RPGRIP1L: variants seen among roughly 807,000 people sequenced by gnomAD.
RPGRIP1L encodes the protein protein fantom.
In RPGRIP1L, 131 loss-of-function variants were observed where a neutral mutation model predicts 160.4. The observed-to-expected ratio is 0.82, with a 90% CI of 0.71 to 0.94. The LOEUF (loss-of-function observed/expected upper bound fraction) is 0.94, where lower values mean the gene tolerates loss of function less well. Among genes scored for constraint, RPGRIP1L ranks in the 40% least tolerant of loss-of-function variants. RPGRIP1L has a pLI of 0.00. For synonymous variants in RPGRIP1L, 510 were observed against 515.8 expected, an observed-to-expected ratio of 0.99 and a Z score of 0.15; for missense variants, 1,522 against 1,535.8, an observed-to-expected ratio of 0.99 and a Z score of 0.15.
At chr16:53,613,401 C>T (rs1289086708) in intron 24 of RPGRIP1L, among the ~76,000 whole-genome samples, 1 of 151,982 alleles carries the variant, frequency 6.6e-6, no homozygotes, top group Non-Finnish European at 1.5e-5. Flanking sequence ...CCTCGAACTC[C>T]TGGGCTCAAC....
At chr16:53,666,285 G>C (rs1442298959) in intron 9 of RPGRIP1L, among the ~76,000 whole-genome samples, 1 of 151,940 alleles carries the variant, frequency 6.6e-6, no homozygotes, top group Non-Finnish European at 1.5e-5. Flanking sequence ...AATTATGGAA[G>C]CTTCTCTAAA....
chr16:53,625,839 C>T (rs368794521), intron 22 of RPGRIP1L, among the ~76,000 whole-genome samples: 104 of 152,168 alleles, frequency 6.8e-4, no homozygotes, highest in African/African-American at 2.5e-3. Flanking sequence ...TCTATAACCT[C>T]ACCCCCAACC....
chr16:53,625,484 C>G (rs1473953147), intron 22 of RPGRIP1L, among the ~76,000 whole-genome samples: 3 of 107,670 alleles, frequency 2.8e-5, no homozygotes, highest in African/African-American at 4.1e-5. Context: ...CTGGGGGGGG[C>G]GCGCCTCCGC....
At chr16:53,632,307 C>T (rs1015429990) in intron 22 of RPGRIP1L, among the ~76,000 whole-genome samples, 11 of 152,148 alleles carry the variant, frequency 7.2e-5, no homozygotes, top group Admixed American at 2.6e-4. Flanking sequence ...ACTTCTAGTC[C>T]TAATTTTGTG....
intron 22 of RPGRIP1L, among the ~76,000 whole-genome samples, chr16:53,625,373 ACCCCG>A: frequency 7.0e-6 from 1 of 143,626 alleles, no homozygotes; most frequent in Non-Finnish European, 1.5e-5. Context: ...CCCGGCCGCC[ACCCCG>A]TCTGGGAACT....
rs1010477371 is a variant in RPGRIP1L, at chr16:53,703,783, C to T, written c.-8+20G>A. ...AACCTCCACCCACCCTCATCCTCCC[C>T]CATCCTCCCGGGTACTCACCGTGCC... is the stretch of plus-strand genomic sequence containing the variant. On this transcript the variant is annotated intron_variant, in intron 1 of 26. Coordinates refer to ENST00000647211, the MANE Select transcript of RPGRIP1L (RefSeq NM_015272.5). 3.1e-5 allele frequency: 11 copies of T among 349,820 alleles called. No individual in the cohort carries two copies. In the Admixed American group the frequency reaches 4.2e-4, roughly 13 times the overall value. 21.7% of individuals were successfully genotyped at this position (349,820 alleles called of 1,614,324 possible).
Position 53,610,977 on chromosome 16 carries a change from G to T in RPGRIP1L, c.3691C>A (p.Pro1231Thr). Residue 1231 changes from proline (P) to threonine (T), a missense_variant, in exon 25 of 27, where the codon CCT (proline) becomes ACT (threonine). By Grantham distance (38) the Pro-to-Thr change is conservative. Coordinates refer to ENST00000647211, the MANE Select transcript of RPGRIP1L (RefSeq NM_015272.5). ...ACTGCCAAAACATACCTTCTATTAG[G>T]CATCTCTTGTTTTTGTAGTATAGCT... ...LKAILQKQEM[P>T]NRSLRFTVVS... The T allele has an allele frequency of 1.2e-6, 2 of 1,607,120 alleles. No individual in the cohort carries two copies. The highest frequency in any genetic ancestry group is 1.7e-6 in the Non-Finnish European group (2 of 1,173,888).
chr16:53,627,512 T>C lies in RPGRIP1L; in HGVS notation c.3295-5156A>G, dbSNP rs115309373. Among the ~76,000 whole-genome samples the C allele has an allele frequency of 2.9e-3, 447 of 152,284 alleles. 4 individuals are homozygous for C. Among genetic ancestry groups the C allele is most frequent in the African/African-American group, 0.01 (424 of 41,566 alleles). ...TTGTTGTTTTTGAAGAAATAAAATA[T>C]TTCAGATACAGGTAAAACTACCAGC... On this transcript the variant is annotated intron_variant, in intron 22 of 26. Coordinates refer to ENST00000647211, the MANE Select transcript of RPGRIP1L (RefSeq NM_015272.5).
At chr16:53,604,738 G>A (rs919480718) in intron 26 of RPGRIP1L, among the ~76,000 whole-genome samples, 2 of 152,152 alleles carry the variant, frequency 1.3e-5, no homozygotes, top group Non-Finnish European at 2.9e-5. Context: ...TTAAAGAGAA[G>A]CCTTGAGAAA....
chr16:53,698,941 T>G (rs1445803671), intron 2 of RPGRIP1L, among the ~76,000 whole-genome samples: 1 of 152,092 alleles, frequency 6.6e-6, no homozygotes, highest in Non-Finnish European at 1.5e-5. Context: ...TTTTGTGGAA[T>G]AGAAAGCGGG....
At chr16:53,649,857 T>G (rs1966827385) in intron 15 of RPGRIP1L, among the ~76,000 whole-genome samples, 1 of 152,150 alleles carries the variant, frequency 6.6e-6, no homozygotes. Context: ...ATAAGTTTCT[T>G]GAGAGCAAGG....
In RPGRIP1L at chr16:53,652,816, G is replaced by C. The variant is rs757744434; in HGVS notation, c.1871C>G (p.Ser624Cys). Residue 624 changes from serine to cysteine, a missense_variant, in exon 15 of 27, where the codon TCT (serine) becomes TGT (cysteine). Transcript: ENST00000647211. ...GAAAGTGACAGGCTCTTTATCTCCA[G>C]ATGCCTGTAAAACTTCAGAAGAAAA... ...VTFSSEVLQA[S>C]GDKEPVTFCT... The C allele has an allele frequency of 6.2e-7, 1 of 1,613,930 alleles. No individual in the cohort carries two copies. The highest frequency in any genetic ancestry group is 8.5e-7 in the Non-Finnish European group (1 of 1,179,946).
chr16:53,607,161 A>G (rs1963741976), intron 25 of RPGRIP1L, among the ~76,000 whole-genome samples: 1 of 152,158 alleles, frequency 6.6e-6, no homozygotes, highest in South Asian at 2.1e-4. Flanking sequence ...CTCTCATCTC[A>G]GTTTCCTTAC....
In RPGRIP1L at chr16:53,622,270, AG is replaced by A. The variant is rs1341026212; in HGVS notation, c.3380del (p.Pro1127LeufsTer7). 3.0e-6 allele frequency: 2 copies of A among 660,920 alleles called. No homozygotes were observed. Among genetic ancestry groups the A allele is most frequent in the African/African-American group, 3.6e-5 (2 of 55,390 alleles). 40.9% of individuals were successfully genotyped at this position (660,920 alleles called of 1,614,324 possible). ...TCCCATCTACTTGGGAGGCTGAGGC[AG>A]GAAAATCGCTGGAACCCGGGAGGCG... ...NFRLPGSSDF[P>X]ASASQVDGIT... On this transcript the variant is annotated frameshift_variant, in exon 23 of 27. Transcript: ENST00000647211. LOFTEE classifies it high-confidence loss of function.
intron 25 of RPGRIP1L, 116 bp from the exon 26 acceptor site, chr16:53,605,730 C>T (rs1963641046): frequency 9.4e-7 from 1 of 1,063,596 alleles, no homozygotes; most frequent in Non-Finnish European, 1.4e-6. Context: ...TCCAATTATC[C>T]CAATAAAAAG....
intron 6 of RPGRIP1L, among the ~76,000 whole-genome samples, chr16:53,678,865 T>A (rs1464458419): frequency 6.6e-6 from 1 of 152,166 alleles, no homozygotes; most frequent in Non-Finnish European, 1.5e-5. Flanking sequence ...ATTCTGTAGC[T>A]GTATTGTTGA....
At chr16:53,643,007 G>C (rs543339593) in intron 17 of RPGRIP1L, among the ~76,000 whole-genome samples, 58 of 152,262 alleles carry the variant, frequency 3.8e-4, no homozygotes, top group Admixed American at 8.5e-4. Context: ...GATATCAGAA[G>C]TGGGCGTTGG....
At chr16:53,699,812 C>T (rs971071833) in intron 2 of RPGRIP1L, among the ~76,000 whole-genome samples, 5 of 110,694 alleles carry the variant, frequency 4.5e-5, no homozygotes, top group African/African-American at 1.8e-4. Context: ...AGCGAGACTT[C>T]GTCTCAAAAA....
rs1963284382 is a variant in RPGRIP1L at position 53,599,260 on chromosome 16, A to G, written c.*2816T>C. 6.6e-6 allele frequency: 1 copy of G among 152,198 alleles called. No individual in the cohort carries two copies. The highest frequency in any genetic ancestry group is 2.4e-5 in the African/African-American group (1 of 41,438). 9.4% of individuals were successfully genotyped at this position (152,198 alleles called of 1,614,324 possible). On this transcript the variant is annotated 3_prime_UTR_variant, in exon 27 of 27. Transcript: ENST00000647211. ...TTTCAGTGTGGCCTTTCTTTATTTG[A>G]TTAAACATATTCTTTATGTATTTTT...
Sources: allele counts gnomAD v4.1 joint callset (sites outside exome capture counted in the v4.1 genomes callset), GRCh38; gene constraint gnomAD v4.1.1; transcripts MANE v1.5; gene names NCBI Gene and HGNC (gene_info 2026-07-23, HGNC 2026-07-21).